ARID3B: variants seen among roughly 807,000 people sequenced by gnomAD.
ARID3B encodes the protein AT-rich interactive domain-containing protein 3B.
A neutral mutation model predicts 51.9 loss-of-function variants in ARID3B; 10 were observed. That is an observed-to-expected ratio of 0.19 (90% CI 0.12 to 0.33). The LOEUF (loss-of-function observed/expected upper bound fraction) is 0.33. Among genes scored for constraint, ARID3B ranks in the 10% least tolerant of loss-of-function variants. ARID3B has a pLI of 1.00. For synonymous variants in ARID3B, 205 were observed against 279.5 expected, an observed-to-expected ratio of 0.73 and a Z score of 2.66; for missense variants, 483 against 716.3, an observed-to-expected ratio of 0.67 and a Z score of 3.72.
Position 74,541,294 on chromosome 15 carries a change from T to A in ARID3B, c.-114T>A, listed in dbSNP as rs191636053. 0.01 allele frequency: 1,576 copies of A among 151,590 alleles called. 16 individuals are homozygous for A. Among genetic ancestry groups the A allele is most frequent in the Non-Finnish European group, 0.018 (1,207 of 67,724 alleles). 9.4% of individuals were successfully genotyped at this position (151,590 alleles called of 1,614,324 possible). On this transcript the variant is annotated 5_prime_UTR_variant, in exon 1 of 9. Coordinates refer to ENST00000346246, the MANE Select transcript of ARID3B (RefSeq NM_006465.4). ...CCGCGCCGGGGCCTGAGCTGCCGCC[T>A]CCTCCGCCGCCCGAAAACCCGGAGT... is the stretch of plus-strand genomic sequence containing the variant.
Position 74,594,174 on chromosome 15 carries a change from C to T in ARID3B, c.1519+938C>T, listed in dbSNP as rs183848932. Among the ~76,000 whole-genome samples, 12 of 152,238 alleles carry T rather than the reference C, an allele frequency of 7.9e-5. No individual in the cohort carries two copies. The East Asian group carries it at 9.7e-4, about 12-fold the overall frequency. On this transcript the variant is annotated intron_variant, in intron 8 of 8. Transcript: ENST00000346246. ...TCTTGTTAAGCACAGCATTGCTGGG[C>T]GCGGTGGCTCACGCCTGTAATCCCA... is the stretch of plus-strand genomic sequence containing the variant.
intron 7 of ARID3B, 104 bp from the exon 8 acceptor site, chr15:74,593,034 A>T: frequency 3.2e-6 from 3 of 930,128 alleles, no homozygotes; most frequent in East Asian, 5.2e-5. Context: ...GATGCCTTTT[A>T]ACAGCGTGAG....
At chr15:74,545,440 AT>A (rs751248886) in intron 2 of ARID3B, among the ~76,000 whole-genome samples, 34 of 152,194 alleles carry the variant, frequency 2.2e-4, no homozygotes, top group Non-Finnish European at 4.0e-4. Flanking sequence ...AAAAATACAG[AT>A]TGCTGAGTCC....
chr15:74,556,769 G>GTTTTTTGTTTTTTTTTTTTTTT (rs1567117696), intron 2 of ARID3B, among the ~76,000 whole-genome samples: 1 of 126,312 alleles, frequency 7.9e-6, no homozygotes, highest in Non-Finnish European at 1.6e-5. Flanking sequence ...TCTTTTTTTT[G>GTTTTTTGTTTTTTTTTTTTTTT]TTTTTTGTTT....
Position 74,543,977 on chromosome 15 carries a change from A to G in ARID3B, c.41A>G (p.Gln14Arg). The G allele has an allele frequency of 1.2e-6, 2 of 1,611,616 alleles. No homozygotes were observed. The highest frequency in any genetic ancestry group is 8.5e-7 in the Non-Finnish European group (1 of 1,179,074). The change falls in exon 2 of 9, where the codon CAA (glutamine) becomes CGA (arginine). Residue 14 changes from glutamine to arginine, a missense_variant. Transcript: ENST00000346246. ...LQQQQQQQQQ[Q>R]QKQPHLAPLQ... The stretch of plus-strand genomic sequence containing the variant: ...CAGCAGCAGCAGCAGCAGCAGCAAC[A>G]ACAGAAGCAGCCACACCTGGCTCCT...
chr15:74,570,008 T>TGGAATG (rs1202248911), intron 2 of ARID3B, among the ~76,000 whole-genome samples: 2 of 152,206 alleles, frequency 1.3e-5, no homozygotes, highest in Non-Finnish European at 2.9e-5. Context: ...TTCCTATCTG[T>TGGAATG]GGAATGGGTC....
chr15:74,579,872 T>TGTGTGTGTGA (rs1488209764), intron 4 of ARID3B, among the ~76,000 whole-genome samples: 1 of 118,936 alleles, frequency 8.4e-6, no homozygotes. Flanking sequence ...TGTGTGTGTG[T>TGTGTGTGTGA]GCGCGCGCGC....
intron 4 of ARID3B, among the ~76,000 whole-genome samples, chr15:74,580,865 C>T (rs2061759649): frequency 6.6e-6 from 1 of 152,192 alleles, no homozygotes. Flanking sequence ...CGTTCAGTAG[C>T]GCTTCTGAGC....
intron 2 of ARID3B, among the ~76,000 whole-genome samples, chr15:74,564,988 T>C (rs548484119): frequency 6.4e-4 from 98 of 152,254 alleles, no homozygotes; most frequent in African/African-American, 2.2e-3. Context: ...CATAATCTAT[T>C]TGATTTATAG....
At position 74,589,843 on chromosome 15, in the gene ARID3B, A is replaced by G; in HGVS notation, c.721A>G (p.Ile241Val). 1 of 1,612,538 alleles carries G rather than the reference A, an allele frequency of 6.2e-7. No individual in the cohort carries two copies. The highest frequency in any genetic ancestry group is 8.5e-7 in the Non-Finnish European group (1 of 1,178,978). The change falls in exon 5 of 9, where the codon ATC becomes GTC. Residue 241 changes from isoleucine to valine, a missense_variant. Physicochemically the swap from Ile to Val is conservative, Grantham distance 29. This residue lies in a region of ARID3B where 36 missense variants were observed against 117.5 expected (regional missense o/e 0.31). Transcript: ENST00000346246. ...KRGTPINRIP[I>V]MAKQILDLYM... ...AGGGACCCCCATCAACCGAATCCCC[A>G]TCATGGCCAAACAGATCCTGGACCT...
At chr15:74,578,289 T>C (rs1359357014) in intron 4 of ARID3B, among the ~76,000 whole-genome samples, 1 of 151,868 alleles carries the variant, frequency 6.6e-6, no homozygotes, top group Non-Finnish European at 1.5e-5. Context: ...TTCTCCTGCC[T>C]CAGCCTCCCA....
intron 2 of ARID3B, among the ~76,000 whole-genome samples, chr15:74,548,938 C>T (rs896629691): frequency 1.3e-5 from 2 of 152,066 alleles, no homozygotes; most frequent in African/African-American, 2.4e-5. Flanking sequence ...CTCATCTTAC[C>T]GTGAGAGTCG....
intron 2 of ARID3B, among the ~76,000 whole-genome samples, chr15:74,572,152 G>C (rs904865832): frequency 3.9e-5 from 6 of 152,058 alleles, no homozygotes; most frequent in Admixed American, 3.9e-4. Context: ...ATTAAAGATA[G>C]GAAGCAAGTT....
intron 4 of ARID3B, among the ~76,000 whole-genome samples, chr15:74,577,016 T>C (rs1450600644): frequency 3.3e-5 from 5 of 152,242 alleles, no homozygotes; most frequent in African/African-American, 1.2e-4. Flanking sequence ...GCTGAGTTAT[T>C]GAAGGCAAAA....
chr15:74,572,766 G>T, intron 2 of ARID3B, 96 bp from the exon 3 acceptor site: 3 of 1,175,498 alleles, frequency 2.6e-6, no homozygotes, highest in Non-Finnish European at 3.8e-6. Context: ...CAATTGCTAA[G>T]CATCTTCATC....
chr15:74,587,273 T>C (rs2061785046), intron 4 of ARID3B, among the ~76,000 whole-genome samples: 1 of 152,226 alleles, frequency 6.6e-6, no homozygotes, highest in South Asian at 2.1e-4. Context: ...AGAGAGGGCC[T>C]GGACCAGGAT....
intron 4 of ARID3B, among the ~76,000 whole-genome samples, chr15:74,575,253 G>A (rs946167515): frequency 6.6e-6 from 1 of 152,006 alleles, no homozygotes; most frequent in Non-Finnish European, 1.5e-5. Flanking sequence ...CCACTTTATT[G>A]TTTTTCTCCC....
chr15:74,576,709 A>G (rs933251913), intron 4 of ARID3B, among the ~76,000 whole-genome samples: 1 of 152,136 alleles, frequency 6.6e-6, no homozygotes, highest in Non-Finnish European at 1.5e-5. Context: ...AGTCAGGTAC[A>G]TGAGAGCAAG....
chr15:74,580,293 A>G (rs1386965823), intron 4 of ARID3B, among the ~76,000 whole-genome samples: 3 of 152,212 alleles, frequency 2.0e-5, no homozygotes, highest in Non-Finnish European at 4.4e-5. Flanking sequence ...CTGAAATACC[A>G]TTCCCTCATA....
Sources: allele counts gnomAD v4.1 joint callset (sites outside exome capture counted in the v4.1 genomes callset), GRCh38; gene constraint gnomAD v4.1.1; regional missense constraint gnomAD v4.1.1; transcripts MANE v1.5; gene names NCBI Gene and HGNC (gene_info 2026-07-23, HGNC 2026-07-21).